PRORP: variants seen among roughly 807,000 people sequenced by gnomAD.
PRORP encodes the protein protein only RNase P catalytic subunit.
PRORP carries 51 observed loss-of-function variants against 59.4 expected under a neutral mutation model. That is an observed-to-expected ratio of 0.86 (90% confidence interval 0.69 to 1.08). The LOEUF (loss-of-function observed/expected upper bound fraction) is 1.08. Among genes scored for constraint, PRORP ranks in the 50% least tolerant of loss-of-function variants. The pLI is 0.00. For missense variants in PRORP, 646 were observed against 690.3 expected, an observed-to-expected ratio of 0.94 and a Z score of 0.72; for synonymous variants, 231 against 245.6, an observed-to-expected ratio of 0.94 and a Z score of 0.55.
Position 35,241,566 on chromosome 14 carries a change from T to C in PRORP, c.1276-25161T>C, listed in dbSNP as rs747122635. On this transcript the variant is annotated intron_variant, in intron 5 of 7. Transcript: ENST00000534898. ...GCTGAAGTCTAATAATTGGCCTCAA[T>C]ACATTCCAAACCTCAGTGAGAATGT... Among the ~76,000 whole-genome samples, 60 of 152,204 alleles carry C rather than the reference T, an allele frequency of 3.9e-4. 1 individual carries two copies. The highest frequency in any genetic ancestry group is 1.0e-4 in the Non-Finnish European group (7 of 68,038).
At chr14:35,200,083 AT>A (rs2049108100) in intron 5 of PRORP, among the ~76,000 whole-genome samples, 1 of 152,242 alleles carries the variant, frequency 6.6e-6, no homozygotes, top group South Asian at 2.1e-4. Flanking sequence ...AAAATACAGT[AT>A]TTTAACAGTA....
At position 35,195,694 on chromosome 14, in the gene PRORP, C is replaced by T. The variant is rs543600117; in HGVS notation, c.1275+14917C>T. The stretch of plus-strand genomic sequence containing the variant: ...TTTTCAAACTTGAGTTTGAGAAACT[C>T]AAAAACAAGCAATTTTAGAAGTCAG... On this transcript the variant is annotated intron_variant, in intron 5 of 7. Coordinates refer to ENST00000534898, the MANE Select transcript of PRORP (RefSeq NM_014672.4). Among the ~76,000 whole-genome samples, 6 of 152,130 alleles carry T rather than the reference C, an allele frequency of 3.9e-5. 1 individual carries two copies. In the East Asian group the frequency reaches 1.2e-3, roughly 29 times the overall value.
intron 5 of PRORP, among the ~76,000 whole-genome samples, chr14:35,254,681 C>T (rs537214166): frequency 1.3e-5 from 2 of 152,254 alleles, no homozygotes; most frequent in South Asian, 2.1e-4. Flanking sequence ...CATGAGCCAC[C>T]GCGCCCAGCC....
intron 5 of PRORP, among the ~76,000 whole-genome samples, chr14:35,240,672 A>G (rs1595365568): frequency 6.6e-6 from 1 of 152,058 alleles, no homozygotes; most frequent in South Asian, 2.1e-4. Context: ...TAATATCTTC[A>G]CCTATTGAGT....
At position 35,126,727 on chromosome 14, in the gene PRORP, T is replaced by C. The variant is rs1341974976; in HGVS notation, c.987-8T>C. The C allele has an allele frequency of 2.5e-6, 4 of 1,606,376 alleles. No individual in the cohort carries two copies. The highest frequency in any genetic ancestry group is 2.6e-6 in the Non-Finnish European group (3 of 1,174,980). On this transcript the variant is annotated splice_region_variant and splice_polypyrimidine_tract_variant and intron_variant, in intron 2 of 7. Coordinates refer to ENST00000534898, the MANE Select transcript of PRORP (RefSeq NM_014672.4). ...TTCTCATGATTTGGTTTTGCAATCT[T>C]TTCATAGTGTTCCTGGAAAACAATG...
At position 35,273,634 on chromosome 14, in the gene PRORP, T is replaced by C; in HGVS notation, c.*68T>C. ...AGGTTGGCATCAGAGGCTCTTGAGCTGGTGTTTGTTTAGGGCATTGCCTCT... is the reference window on the plus strand; with the variant it reads ...AGGTTGGCATCAGAGGCTCTTGAGCCGGTGTTTGTTTAGGGCATTGCCTCT... On this transcript the variant is annotated 3_prime_UTR_variant, in exon 8 of 8. Coordinates refer to ENST00000534898, the MANE Select transcript of PRORP (RefSeq NM_014672.4). 1 of 1,478,868 alleles carries C rather than the reference T, an allele frequency of 6.8e-7. No homozygotes were observed. The highest frequency in any genetic ancestry group is 9.1e-7 in the Non-Finnish European group (1 of 1,096,146). The allele number at this position is 1,478,868 out of a possible 1,614,324, so 91.6% of individuals were successfully genotyped here. A position where few individuals can be genotyped will look rare whatever the true frequency, so the allele number is the denominator to read the frequency against.
intron 5 of PRORP, among the ~76,000 whole-genome samples, chr14:35,252,212 C>T (rs753975735): frequency 6.6e-6 from 1 of 151,992 alleles, no homozygotes; most frequent in Non-Finnish European, 1.5e-5. Context: ...ACTGCTTAAG[C>T]CCAGGAGTTT....
rs183663677 is a variant in PRORP, at chr14:35,257,839, C to T, written c.1276-8888C>T. Among the ~76,000 whole-genome samples, 241 of 152,210 alleles carry T rather than the reference C, an allele frequency of 1.6e-3. 2 individuals carry two copies. The highest frequency in any genetic ancestry group is 5.5e-3 in the African/African-American group (229 of 41,512). The stretch of plus-strand genomic sequence containing the variant: ...AGAGGAGGAGGTAAAAAGGTATAAG[C>T]ACAGGGAAAGGAAGTTAACATTTGC... On this transcript the variant is annotated intron_variant, in intron 5 of 7. Transcript: ENST00000534898.
chr14:35,231,631 T>C (rs1448947566), intron 5 of PRORP, among the ~76,000 whole-genome samples: 3 of 152,202 alleles, frequency 2.0e-5, no homozygotes, highest in Non-Finnish European at 1.5e-5. Flanking sequence ...TTGAGATGAA[T>C]TGGAGTAGTC....
At chr14:35,207,037 A>G (rs1264368658) in intron 5 of PRORP, among the ~76,000 whole-genome samples, 2 of 152,132 alleles carry the variant, frequency 1.3e-5, no homozygotes, top group South Asian at 2.1e-4. Flanking sequence ...TAAGATTATT[A>G]ATATCACATG....
chr14:35,228,549 C>G (rs1485496375), intron 5 of PRORP, among the ~76,000 whole-genome samples: 1 of 152,216 alleles, frequency 6.6e-6, no homozygotes, highest in Non-Finnish European at 1.5e-5. Flanking sequence ...TAAGTGAGAA[C>G]ATGCAGTATT....
At chr14:35,230,950 C>CAA (rs1483762746) in intron 5 of PRORP, among the ~76,000 whole-genome samples, 1 of 118,516 alleles carries the variant, frequency 8.4e-6, no homozygotes, top group Non-Finnish European at 1.8e-5. Context: ...CACACACACA[C>CAA]ACACACACAC....
At chr14:35,125,499 G>T (rs1012213820) in intron 2 of PRORP, among the ~76,000 whole-genome samples, 6 of 152,074 alleles carry the variant, frequency 3.9e-5, no homozygotes, top group African/African-American at 1.4e-4. Flanking sequence ...CAAGCGATCA[G>T]GTGTGAGCCA....
At chr14:35,233,113 C>T (rs1374291564) in intron 5 of PRORP, among the ~76,000 whole-genome samples, 2 of 137,104 alleles carry the variant, frequency 1.5e-5, no homozygotes, top group South Asian at 2.2e-4. Context: ...TCTTTTCATT[C>T]GTCAACCCAT....
At chr14:35,256,024 G>T (rs909458183) in intron 5 of PRORP, among the ~76,000 whole-genome samples, 20 of 151,858 alleles carry the variant, frequency 1.3e-4, no homozygotes, top group Admixed American at 1.2e-3. Flanking sequence ...AGTGGTTCAC[G>T]CCTGTAATCC....
chr14:35,147,851 A>G lies in PRORP; in HGVS notation c.1167+20240A>G, dbSNP rs183221335. On this transcript the variant is annotated intron_variant, in intron 4 of 7. Coordinates refer to ENST00000534898, the MANE Select transcript of PRORP (RefSeq NM_014672.4). ...TAAATTCTTTGTTATCATTTTAACA[A>G]TATTTACAACGTGTCTACTAGGAGT... is the stretch of plus-strand genomic sequence containing the variant. 2.0e-5 allele frequency among the ~76,000 whole-genome samples: 3 copies of G among 152,390 alleles called. No individual in the cohort carries two copies. In the East Asian group the frequency reaches 5.8e-4, roughly 29 times the overall value.
At chr14:35,213,193 A>G (rs2049494565) in intron 5 of PRORP, among the ~76,000 whole-genome samples, 1 of 152,206 alleles carries the variant, frequency 6.6e-6, no homozygotes, top group South Asian at 2.1e-4. Flanking sequence ...TACCCAGGCC[A>G]CAAAAACTTC....
chr14:35,136,468 G>A (rs1196470643), intron 4 of PRORP, among the ~76,000 whole-genome samples: 1 of 145,766 alleles, frequency 6.9e-6, no homozygotes, highest in Non-Finnish European at 1.5e-5. Context: ...TCCGCCTCTC[G>A]GGTTTAAGCA....
intron 5 of PRORP, among the ~76,000 whole-genome samples, chr14:35,240,973 TA>T (rs1451661635): frequency 6.6e-6 from 1 of 152,210 alleles, no homozygotes; most frequent in African/African-American, 2.4e-5. Flanking sequence ...ACTAAACATG[TA>T]CAGACTTTTT....
Sources: gnomAD v4.1 joint callset for allele counts (sites outside exome capture counted in the v4.1 genomes callset) on GRCh38, gnomAD v4.1.1 for gene constraint, MANE v1.5 for transcripts, NCBI Gene and HGNC (gene_info 2026-07-23, HGNC 2026-07-21) for gene names.